Variants in PPM1E observed in about 807,000 individuals in gnomAD.
PPM1E encodes the protein protein phosphatase 1E.
PPM1E carries 20 observed loss-of-function variants against 65.9 expected under a neutral mutation model. The ratio of observed to expected loss-of-function variants is 0.30; its 90% confidence interval spans 0.21 to 0.44. The LOEUF (loss-of-function observed/expected upper bound fraction) is 0.44. Among genes scored for constraint, PPM1E ranks in the 20% least tolerant of loss-of-function variants. PPM1E has a pLI of 1.00. For missense variants in PPM1E, 713 were observed against 953.1 expected (o/e 0.75, Z 3.32); for synonymous variants, 352 against 374.9 (o/e 0.94, Z 0.70).
chr17:58,970,964 G>GTGT (rs146837832), intron 4 of PPM1E, among the ~76,000 whole-genome samples: 13 of 151,808 alleles, frequency 8.6e-5, no homozygotes, highest in Middle Eastern at 3.4e-3. Context: ...TCAAAATTAT[G>GTGT]TGTTGTTGTT....
intron 1 of PPM1E, among the ~76,000 whole-genome samples, chr17:58,788,813 A>C (rs1269442499): frequency 1.3e-5 from 2 of 152,216 alleles, no homozygotes; most frequent in Non-Finnish European, 2.9e-5. Context: ...GGGCAGACAA[A>C]TTGAACATTC....
At chr17:58,931,951 A>C (rs2051905655) in intron 1 of PPM1E, among the ~76,000 whole-genome samples, 1 of 152,094 alleles carries the variant, frequency 6.6e-6, no homozygotes, top group Non-Finnish European at 1.5e-5. Flanking sequence ...CATGTTATAA[A>C]CTCTGACAGT....
Position 58,984,365 on chromosome 17 carries a change from T to TTACATTCATTTA in PPM1E, c.*3335_*3336insACATTCATTTAT, listed in dbSNP as rs1174736361. ...AAATGATGCATGGCCAAGTTCAGTG[T>TTACATTCATTTA]TTACAGATAAAACTGCTGTGGTTCA... On this transcript the variant is annotated 3_prime_UTR_variant, in exon 7 of 7. Transcript: ENST00000308249. The TTACATTCATTTA allele has an allele frequency of 3.9e-5, 6 of 152,628 alleles. No homozygotes were observed. The highest frequency in any genetic ancestry group is 6.5e-5 in the Admixed American group (1 of 15,274). 9.5% of individuals were successfully genotyped at this position (152,628 alleles called of 1,614,324 possible). A position where few individuals can be genotyped will look rare whatever the true frequency, so the allele number is the denominator to read the frequency against.
chr17:58,813,737 T>C (rs1665415164), intron 1 of PPM1E, among the ~76,000 whole-genome samples: 1 of 152,250 alleles, frequency 6.6e-6, no homozygotes, highest in South Asian at 2.1e-4. Context: ...TTAAATATAC[T>C]GAACATTGTA....
intron 1 of PPM1E, among the ~76,000 whole-genome samples, chr17:58,796,726 A>C (rs1408678542): frequency 1.3e-5 from 2 of 152,194 alleles, no homozygotes; most frequent in Non-Finnish European, 2.9e-5. Context: ...CTTTGATTCT[A>C]CAATTAATGT....
intron 1 of PPM1E, among the ~76,000 whole-genome samples, chr17:58,904,987 G>A (rs953052841): frequency 2.0e-5 from 3 of 151,976 alleles, no homozygotes; most frequent in Admixed American, 2.0e-4. Flanking sequence ...TCGTGCCATT[G>A]CACTCCAGCC....
At chr17:58,931,066 T>TAAAA (rs774968022) in intron 1 of PPM1E, among the ~76,000 whole-genome samples, 3 of 83,124 alleles carry the variant, frequency 3.6e-5, no homozygotes, top group East Asian at 3.3e-4. Flanking sequence ...ATACAAAAAT[T>TAAAA]AAAAAAAAAA....
intron 1 of PPM1E, among the ~76,000 whole-genome samples, chr17:58,758,853 G>C (rs534313741): frequency 6.6e-6 from 1 of 152,196 alleles, no homozygotes; most frequent in African/African-American, 2.4e-5. Flanking sequence ...GCTGAGGTGG[G>C]CGGAACACCT....
chr17:58,926,642 C>A (rs1277788831), intron 1 of PPM1E, among the ~76,000 whole-genome samples: 1 of 151,942 alleles, frequency 6.6e-6, no homozygotes, highest in African/African-American at 2.4e-5. Flanking sequence ...ATAAACTTTG[C>A]CATTTCTATT....
At chr17:58,979,189 G>C (rs2143811685) in intron 6 of PPM1E, among the ~76,000 whole-genome samples, 1 of 152,306 alleles carries the variant, frequency 6.6e-6, no homozygotes, top group Middle Eastern at 3.4e-3. Flanking sequence ...TAACAATAAA[G>C]ACAGAAGTGG....
intron 1 of PPM1E, among the ~76,000 whole-genome samples, chr17:58,771,351 A>G (rs1230327910): frequency 6.6e-6 from 1 of 151,706 alleles, no homozygotes; most frequent in Non-Finnish European, 1.5e-5. Flanking sequence ...AAAAAAAATG[A>G]TTAAGGCCGG....
chr17:58,808,832 C>T (rs1719100183), intron 1 of PPM1E, among the ~76,000 whole-genome samples: 2 of 151,778 alleles, frequency 1.3e-5, no homozygotes, highest in South Asian at 2.1e-4. Flanking sequence ...ATCCCTAGCC[C>T]GAGGAAACCA....
rs192051266 is a variant in PPM1E, at chr17:58,857,738, G to A, written c.465-97911G>A. Among the ~76,000 whole-genome samples the A allele has an allele frequency of 2.0e-4, 31 of 152,032 alleles. No homozygotes were observed. The Middle Eastern group carries it at 0.01, about 50-fold the overall frequency. On this transcript the variant is annotated intron_variant, in intron 1 of 6. Transcript: ENST00000308249. The stretch of plus-strand genomic sequence containing the variant: ...CTTCCTGGAACAGCACACAACAGAC[G>A]ATTTTAAAAAGATAAATAAATTAGA...
intron 6 of PPM1E, among the ~76,000 whole-genome samples, chr17:58,977,553 C>T (rs1251469278): frequency 5.3e-5 from 8 of 151,820 alleles, no homozygotes; most frequent in African/African-American, 1.2e-4. Flanking sequence ...TTTATAATGT[C>T]GAAGACTAAT....
At chr17:58,942,211 CTATGTCTCTAAAAAACAA>C (rs1474927967) in intron 1 of PPM1E, among the ~76,000 whole-genome samples, 1 of 151,882 alleles carries the variant, frequency 6.6e-6, no homozygotes, top group Admixed American at 6.6e-5. Context: ...CATAGTGAGA[CTATGTCTCTAAAAAACAA>C]AAAACGGGGC....
intron 1 of PPM1E, among the ~76,000 whole-genome samples, chr17:58,951,021 G>A (rs922431679): frequency 9.2e-5 from 14 of 151,974 alleles, no homozygotes; most frequent in Admixed American, 5.2e-4. Context: ...CTCGTGATCT[G>A]CCCGCCTCGG....
At chr17:58,899,486 C>G (rs1282743251) in intron 1 of PPM1E, 2 of 230,746 alleles carry the variant, frequency 8.7e-6, no homozygotes, top group African/African-American at 4.6e-5. Context: ...GTGTATGTCA[C>G]GTTGGTGGAG....
chr17:58,862,397 TGAG>T (rs1195521467), intron 1 of PPM1E, among the ~76,000 whole-genome samples: 1 of 152,238 alleles, frequency 6.6e-6, no homozygotes, highest in Admixed American at 6.5e-5. Context: ...TCTGGTAAGA[TGAG>T]TACCCCTGTT....
At chr17:58,881,487 C>CT (rs2051193760) in intron 1 of PPM1E, among the ~76,000 whole-genome samples, 1 of 152,034 alleles carries the variant, frequency 6.6e-6, no homozygotes, top group Non-Finnish European at 1.5e-5. Context: ...GATGGTGAAA[C>CT]CCTGTCTCTA....
Sources: allele counts gnomAD v4.1 joint callset (sites outside exome capture counted in the v4.1 genomes callset), GRCh38; gene constraint gnomAD v4.1.1; transcripts MANE v1.5; gene names NCBI Gene and HGNC (gene_info 2026-07-23, HGNC 2026-07-21).